Variants in AOX1 observed in about 807,000 individuals in gnomAD.
The protein encoded by AOX1 is aldehyde oxidase.
In AOX1, 153 loss-of-function variants were observed where a neutral mutation model predicts 169.5. The ratio of observed to expected loss-of-function variants is 0.90; its 90% CI spans 0.79 to 1.03. The LOEUF (loss-of-function observed/expected upper bound fraction) is 1.03, where lower values mean the gene tolerates loss of function less well. Among genes scored for constraint, AOX1 ranks in the 50% least tolerant of loss-of-function variants. The pLI, the probability that AOX1 is intolerant of heterozygous loss-of-function variation, is 0.00. For synonymous variants in AOX1, 562 were observed against 581.9 expected (o/e 0.97, Z 0.49); for missense variants, 1,656 against 1,663.9 (o/e 1.00, Z 0.08).
In AOX1 at chr2:200,627,416, G is replaced by T; in HGVS notation, c.2188G>T (p.Glu730Ter). Residue 730 changes from glutamate to a stop codon, truncating the protein, a stop_gained, in exon 20 of 35, where the codon GAA (glutamate) becomes TAA (stop). Coordinates refer to ENST00000374700, the MANE Select transcript of AOX1 (RefSeq NM_001159.4). LOFTEE classifies it high-confidence loss of function. ...GAAACTGGAATATGGAAATGTTGAC[G>T]AAGCATTTAAAGTGGTTGATCAAAT... ...ERKLEYGNVD[E>*]AFKVVDQILE... The T allele has an allele frequency of 6.2e-7, 1 of 1,613,658 alleles. No homozygotes were observed. The highest frequency in any genetic ancestry group is 1.1e-5 in the South Asian group (1 of 91,066).
intron 17 of AOX1, 51 bp from the exon 18 acceptor site, chr2:200,621,069 T>A (rs753710141): frequency 6.4e-7 from 1 of 1,569,736 alleles, no homozygotes; most frequent in African/African-American, 1.4e-5. Context: ...ATTAACCATG[T>A]TCTTGGCCTC....
At chr2:200,586,219 T>G in intron 1 of AOX1, 66 bp downstream of exon 1, 3 of 1,458,002 alleles carry the variant, frequency 2.1e-6, no homozygotes, top group South Asian at 2.6e-5. Context: ...GAGGAGCCCC[T>G]GCCGTTCGTC....
Position 200,659,264 on chromosome 2 carries a change from G to A in AOX1, c.3271G>A (p.Val1091Met). Reference sequence around the variant, plus strand: ...TGCAAATATCTCTGGAGGTTCTGTGGTGGCAGATCTCAACGGTTTGGCAGT... The same window carrying A: ...TGCAAATATCTCTGGAGGTTCTGTGATGGCAGATCTCAACGGTTTGGCAGT... Reference protein sequence around the residue: ...PNANISGGSVVADLNGLAVKD... With the variant: ...PNANISGGSVMADLNGLAVKD... The change falls in exon 28 of 35, where the codon GTG (valine) becomes ATG (methionine). Residue 1091 changes from valine to methionine, a missense_variant. By Grantham distance (21) the Val-to-Met change is conservative. Transcript: ENST00000374700. The A allele has an allele frequency of 6.2e-7, 1 of 1,613,560 alleles. No individual in the cohort carries two copies. The highest frequency in any genetic ancestry group is 2.2e-5 in the East Asian group (1 of 44,846).
chr2:200,595,928 A>G (rs765543624), intron 3 of AOX1, among the ~76,000 whole-genome samples: 11 of 152,062 alleles, frequency 7.2e-5, no homozygotes, highest in African/African-American at 9.7e-5. Flanking sequence ...TAAGCCCCCA[A>G]TGGCTTCCCA....
intron 31 of AOX1, among the ~76,000 whole-genome samples, chr2:200,663,559 C>CAG (rs1183117135): frequency 7.7e-6 from 1 of 129,556 alleles, no homozygotes; most frequent in African/African-American, 2.8e-5. Context: ...CACACACACA[C>CAG]ACACACACAC....
intron 22 of AOX1, among the ~76,000 whole-genome samples, chr2:200,637,491 A>T (rs776222380): frequency 4.6e-5 from 7 of 152,150 alleles, no homozygotes; most frequent in Admixed American, 1.3e-4. Flanking sequence ...TTGTGTGTAT[A>T]TATGTACATT....
Position 200,642,674 on chromosome 2 carries a change from G to T in AOX1, c.2720G>T (p.Gly907Val), listed in dbSNP as rs764652380. 1 of 1,614,166 alleles carries T rather than the reference G, an allele frequency of 6.2e-7. No individual in the cohort carries two copies. Among genetic ancestry groups the T allele is most frequent in the Non-Finnish European group, 8.5e-7 (1 of 1,180,012 alleles). Residue 907 changes from glycine to valine, a missense_variant, in exon 25 of 35, where the codon GGT becomes GTT. Physicochemically the swap from Gly to Val is moderately radical, Grantham distance 109. Transcript: ENST00000374700. Reference protein sequence around the residue: ...AYKFPNLRCRGWACRTNLPSN... With the variant: ...AYKFPNLRCRVWACRTNLPSN... ...AAGTTTCCCAATCTCCGCTGCCGGG[G>T]TTGGGCATGCAGAACCAACCTTCCA... is the stretch of plus-strand genomic sequence containing the variant.
Position 200,634,268 on chromosome 2 carries a change from A to C in AOX1, c.2222-523A>C, listed in dbSNP as rs183828467. Among the ~76,000 whole-genome samples the C allele has an allele frequency of 3.6e-4, 54 of 150,886 alleles. No individual in the cohort carries two copies. In the East Asian group the frequency reaches 9.4e-3, roughly 26 times the overall value. ...GATATCTGAGGCAAACAACAACAACAACAAAAAAACCCACTGAACTCACTG... is the reference window on the plus strand; with the variant it reads ...GATATCTGAGGCAAACAACAACAACCACAAAAAAACCCACTGAACTCACTG... On this transcript the variant is annotated intron_variant, in intron 20 of 34. Transcript: ENST00000374700.
intron 10 of AOX1, among the ~76,000 whole-genome samples, chr2:200,606,382 T>C (rs537616581): frequency 3.2e-4 from 48 of 152,374 alleles, no homozygotes; most frequent in African/African-American, 6.3e-4. Context: ...TTTTGGTTAC[T>C]GTAGTCTTGT....
chr2:200,617,050 T>G (rs2034773055), intron 16 of AOX1, among the ~76,000 whole-genome samples: 1 of 152,216 alleles, frequency 6.6e-6, no homozygotes, highest in African/African-American at 2.4e-5. Flanking sequence ...ATAAATACCC[T>G]AATATTTCTT....
intron 5 of AOX1, 62 bp downstream of exon 5, chr2:200,599,808 G>A (rs553659785): frequency 1.1e-5 from 14 of 1,264,730 alleles, no homozygotes; most frequent in Middle Eastern, 3.0e-4. Flanking sequence ...TTTTTGAGAC[G>A]GAATCTCACT....
chr2:200,638,783 A>G (rs777779422), intron 23 of AOX1, among the ~76,000 whole-genome samples: 4 of 152,222 alleles, frequency 2.6e-5, no homozygotes, highest in Non-Finnish European at 4.4e-5. Context: ...GAAAATAGTG[A>G]TTCTTTTGCT....
At chr2:200,630,529 T>A (rs1271563816) in intron 20 of AOX1, among the ~76,000 whole-genome samples, 156 of 95,138 alleles carry the variant, frequency 1.6e-3, no homozygotes, top group African/African-American at 1.6e-3. Context: ...AAAAAAAAGA[T>A]GGATGGATGG....
chr2:200,666,885 A>G (rs2035933328), intron 32 of AOX1, 133 bp downstream of exon 32: 1 of 526,746 alleles, frequency 1.9e-6, no homozygotes, highest in African/African-American at 1.9e-5. Flanking sequence ...ATTCAGACCA[A>G]CTGCAGAGCT....
chr2:200,611,707 ATT>A (rs56096001), intron 13 of AOX1, among the ~76,000 whole-genome samples: 52 of 144,376 alleles, frequency 3.6e-4, no homozygotes, highest in Non-Finnish European at 3.0e-4. Flanking sequence ...GAATTAGGAG[ATT>A]TTTTTTTTTT....
At chr2:200,611,342 A>G (rs1232575789) in intron 12 of AOX1, 42 bp from the exon 13 acceptor site, 2 of 1,409,586 alleles carry the variant, frequency 1.4e-6, no homozygotes, top group Admixed American at 1.7e-5. Flanking sequence ...TTTATTTAAC[A>G]GACCAAACAG....
chr2:200,680,727 G>A (rs1273319918), downstream of AOX1, among the ~76,000 whole-genome samples: 3 of 151,962 alleles, frequency 2.0e-5, no homozygotes, highest in Non-Finnish European at 2.9e-5. Context: ...TGCATTTTTA[G>A]TAGAGATGGG....
intron 5 of AOX1, among the ~76,000 whole-genome samples, chr2:200,600,873 G>T (rs1386971915): frequency 3.3e-5 from 5 of 152,112 alleles, no homozygotes; most frequent in Non-Finnish European, 4.4e-5. Flanking sequence ...CCCCTAGAGA[G>T]TTTGACTCAG....
At chr2:200,659,782 TCTCTCACACA>T (rs55711136) in intron 28 of AOX1, among the ~76,000 whole-genome samples, 16,732 of 134,678 alleles carry the variant, frequency 0.12, 944 homozygotes, top group Non-Finnish European at 0.13. Flanking sequence ...GCCAGTTCTC[TCTCTCACACA>T]CACACACACA....
Sources: gnomAD v4.1 joint callset for allele counts (sites outside exome capture counted in the v4.1 genomes callset) on GRCh38, gnomAD v4.1.1 for gene constraint, MANE v1.5 for transcripts, NCBI Gene and HGNC (gene_info 2026-07-23, HGNC 2026-07-21) for gene names.